ROPN1L: variants seen among roughly 807,000 people sequenced by gnomAD.
The protein encoded by ROPN1L is rhophilin associated tail protein 1 like.
In ROPN1L, 23 loss-of-function variants were observed where a neutral mutation model predicts 22.7. The ratio of observed to expected loss-of-function variants is 1.01; its 90% CI spans 0.73 to 1.43. The LOEUF is 1.43. ROPN1L is among the 40% of genes most tolerant of loss of function. The pLI is 0.00. For synonymous variants in ROPN1L, 116 were observed against 117.8 expected (o/e 0.98, Z 0.10); for missense variants, 271 against 291.5 (o/e 0.93, Z 0.51).
chr5:10,449,705 C>T (rs1381508231), intron 2 of ROPN1L, among the ~76,000 whole-genome samples: 1 of 152,064 alleles, frequency 6.6e-6, no homozygotes, highest in East Asian at 1.9e-4. Context: ...ATGCCTGTTT[C>T]ATTAAGTCAT....
chr5:10,457,066 G>A (rs2921163), intron 3 of ROPN1L, among the ~76,000 whole-genome samples: 138,798 of 152,280 alleles, frequency 0.91, 64,206 homozygotes, highest in East Asian at 1. Flanking sequence ...TACACGACTC[G>A]GCTTTGAGCA....
At chr5:10,455,386 C>T (rs1328833174) in intron 3 of ROPN1L, among the ~76,000 whole-genome samples, 3 of 152,244 alleles carry the variant, frequency 2.0e-5, no homozygotes, top group African/African-American at 4.8e-5. Flanking sequence ...CCCCACCCCC[C>T]AGTGGGAGCC....
chr5:10,449,420 G>A (rs1741182556), intron 2 of ROPN1L, among the ~76,000 whole-genome samples: 1 of 152,186 alleles, frequency 6.6e-6, no homozygotes, highest in Non-Finnish European at 1.5e-5. Flanking sequence ...TTGGGAGGCT[G>A]AGGCGGAAGA....
chr5:10,445,240 G>A (rs1741018682), intron 1 of ROPN1L, among the ~76,000 whole-genome samples: 1 of 152,138 alleles, frequency 6.6e-6, no homozygotes, highest in Non-Finnish European at 1.5e-5. Flanking sequence ...CAAAGTGGTG[G>A]GATTATAGGC....
intron 2 of ROPN1L, among the ~76,000 whole-genome samples, chr5:10,449,298 C>G (rs1330425926): frequency 6.6e-6 from 1 of 152,132 alleles, no homozygotes; most frequent in African/African-American, 2.4e-5. Flanking sequence ...GCGGGCAGAT[C>G]ACTTGAGGTC....
At chr5:10,462,375 T>C (rs1008036465) in intron 4 of ROPN1L, among the ~76,000 whole-genome samples, 2 of 152,088 alleles carry the variant, frequency 1.3e-5, no homozygotes, top group African/African-American at 2.4e-5. Context: ...GTATTCAGGG[T>C]GTGTGTAAGT....
Position 10,450,601 on chromosome 5 carries a change from C to T in ROPN1L, c.417+488C>T, listed in dbSNP as rs531090819. Among the ~76,000 whole-genome samples, 6 of 152,264 alleles carry T rather than the reference C, an allele frequency of 3.9e-5. No homozygotes were observed. In the South Asian group the frequency reaches 8.3e-4, roughly 21 times the overall value. ...GCAACCTCCGCCTCCCAGGTTCAAG[C>T]GATTCCCTGTCTCAGCCTCCCGAGT... On this transcript the variant is annotated intron_variant, in intron 3 of 4. Coordinates refer to ENST00000274134, the MANE Select transcript of ROPN1L (RefSeq NM_031916.5).
downstream of ROPN1L, among the ~76,000 whole-genome samples, chr5:10,475,477 C>A (rs1344009088): frequency 6.6e-6 from 1 of 152,192 alleles, no homozygotes. Flanking sequence ...TGCACTGTTC[C>A]CAGCAGCAAG....
At chr5:10,479,751 T>TC in the ROPN1L span, among the ~76,000 whole-genome samples, 2 of 151,864 alleles carry the variant, frequency 1.3e-5, no homozygotes, top group Non-Finnish European at 2.9e-5. Flanking sequence ...ACATGTCAAC[T>TC]CTTTTTTTTT....
rs36018567 is a variant in ROPN1L at position 10,454,129 on chromosome 5, ATT to A, written c.417+4028_417+4029del. Reference sequence around the variant, plus strand: ...ATTTGTATGTTGTGGCTTTTATTTAATTTTTTTTTTTTTAAGAGACAGGGTCT... The same window carrying A: ...ATTTGTATGTTGTGGCTTTTATTTAATTTTTTTTTTTAAGAGACAGGGTCT... On this transcript the variant is annotated intron_variant, in intron 3 of 4. Transcript: ENST00000274134. Among the ~76,000 whole-genome samples, 378 of 148,818 alleles carry A rather than the reference ATT, an allele frequency of 2.5e-3. 1 individual carries two copies. The highest frequency in any genetic ancestry group is 6.9e-3 in the African/African-American group (279 of 40,548).
chr5:10,457,466 G>C (rs1734855805), intron 3 of ROPN1L, among the ~76,000 whole-genome samples: 1 of 152,236 alleles, frequency 6.6e-6, no homozygotes, highest in Non-Finnish European at 1.5e-5. Flanking sequence ...ACTGGGGTGA[G>C]CTCAGAGGCC....
the ROPN1L span, among the ~76,000 whole-genome samples, chr5:10,478,535 A>T: frequency 6.6e-6 from 1 of 152,122 alleles, no homozygotes; most frequent in Non-Finnish European, 1.5e-5. Context: ...AATCCCTGGC[A>T]TTCCTTGGCG....
intron 3 of ROPN1L, among the ~76,000 whole-genome samples, chr5:10,459,371 T>C (rs2088627): frequency 0.74 from 109,714 of 147,732 alleles, 42,735 homozygotes; most frequent in Non-Finnish European, 0.88. Context: ...CACTGGGTTC[T>C]TGCCTTCCAC....
At chr5:10,465,422 G>A (rs1247520441), downstream of ROPN1L, among the ~76,000 whole-genome samples, 1 of 152,094 alleles carries the variant, frequency 6.6e-6, no homozygotes, top group Non-Finnish European at 1.5e-5. Context: ...GGCTGAGGCA[G>A]GAGAATGGTG....
At chr5:10,470,006 C>T (rs768163834), downstream of ROPN1L, among the ~76,000 whole-genome samples, 4 of 152,136 alleles carry the variant, frequency 2.6e-5, no homozygotes, top group East Asian at 1.9e-4. Flanking sequence ...ACTTACAAAT[C>T]GTTTTCAAAT....
chr5:10,462,373 G>A (rs573475246), intron 4 of ROPN1L, among the ~76,000 whole-genome samples: 25 of 152,164 alleles, frequency 1.6e-4, no homozygotes, highest in African/African-American at 4.8e-4. Flanking sequence ...TAGTATTCAG[G>A]GTGTGTGTAA....
At chr5:10,456,042 A>G (rs1402248369) in intron 3 of ROPN1L, among the ~76,000 whole-genome samples, 2 of 152,174 alleles carry the variant, frequency 1.3e-5, no homozygotes, top group African/African-American at 4.8e-5. Flanking sequence ...TCATATCATC[A>G]TGAGAGCAGC....
downstream of ROPN1L, among the ~76,000 whole-genome samples, chr5:10,473,118 T>A (rs1158286770): frequency 6.6e-6 from 1 of 152,238 alleles, no homozygotes; most frequent in Admixed American, 6.5e-5. Context: ...GCCTTTGCAA[T>A]TGATTTGACC....
At chr5:10,473,678 CAG>C (rs1560931492), downstream of ROPN1L, among the ~76,000 whole-genome samples, 1 of 152,164 alleles carries the variant, frequency 6.6e-6, no homozygotes, top group Non-Finnish European at 1.5e-5. Flanking sequence ...AGAAATGGGA[CAG>C]AGCCCTGAAG....
Sources: allele counts gnomAD v4.1 joint callset (sites outside exome capture counted in the v4.1 genomes callset), GRCh38; gene constraint gnomAD v4.1.1; transcripts MANE v1.5; gene names NCBI Gene and HGNC (gene_info 2026-07-23, HGNC 2026-07-21).